The following STAMBPL1 variants were observed in gnomAD, a reference collection of about 807,000 sequenced individuals.
STAMBPL1 encodes STAM binding protein like 1, also known as AMSH-like protease.
Under a neutral mutation model 52.9 loss-of-function variants are expected in STAMBPL1, and 44 were observed. The ratio of observed to expected loss-of-function variants is 0.83; its 90% confidence interval spans 0.65 to 1.07. The LOEUF is 1.07. Ranked by LOEUF, STAMBPL1 falls within the 50% of genes least tolerant of loss-of-function variation. The pLI is 0.00. For missense variants in STAMBPL1, 511 were observed against 520.8 expected (o/e 0.98, Z 0.18); for synonymous variants, 164 against 177.3 (o/e 0.92, Z 0.60).
Position 88,889,853 on chromosome 10 carries a change from G to T in STAMBPL1, c.-54+9215G>T, listed in dbSNP as rs536249150. Among the ~76,000 whole-genome samples the T allele has an allele frequency of 3.9e-5, 6 of 152,280 alleles. No homozygotes were observed. In the South Asian group the frequency reaches 1.2e-3, roughly 32 times the overall value. On this transcript the variant is annotated intron_variant, in intron 1 of 10. Transcript: ENST00000371926. ...AGGATCCTTTCTGGGATCATACATTGAATTCATTTGTTATGCCTCCTTAGT... is the reference window on the plus strand; with the variant it reads ...AGGATCCTTTCTGGGATCATACATTTAATTCATTTGTTATGCCTCCTTAGT...
At chr10:88,883,828 T>C (rs1027348945) in intron 1 of STAMBPL1, among the ~76,000 whole-genome samples, 2 of 152,236 alleles carry the variant, frequency 1.3e-5, no homozygotes, top group Non-Finnish European at 2.9e-5. Context: ...TTTGCTGTAG[T>C]TAACCTTTCA....
intron 1 of STAMBPL1, among the ~76,000 whole-genome samples, chr10:88,897,722 A>G (rs974525325): frequency 6.6e-6 from 1 of 152,224 alleles, no homozygotes; most frequent in African/African-American, 2.4e-5. Flanking sequence ...AGTAAAGGAT[A>G]TTTAGCAAGC....
At chr10:88,902,094 T>C (rs990823582) in intron 2 of STAMBPL1, among the ~76,000 whole-genome samples, 1 of 152,198 alleles carries the variant, frequency 6.6e-6, no homozygotes, top group South Asian at 2.1e-4. Flanking sequence ...AGGCTCACCT[T>C]GTATGGCGTT....
chr10:88,918,308 C>CACACACAT (rs1554839216), intron 8 of STAMBPL1, among the ~76,000 whole-genome samples: 9,755 of 144,558 alleles, frequency 0.067, 372 homozygotes, highest in East Asian at 0.11. Flanking sequence ...CACACACATA[C>CACACACAT]ACACACACAC....
chr10:88,921,313 A>T lies in STAMBPL1; in HGVS notation c.1072A>T (p.Ser358Cys). ...THPTQTAFLS[S>C]VDLHTHCSYQ... The stretch of plus-strand genomic sequence containing the variant: ...TCCCACTCAAACTGCATTTTTATCC[A>T]GCGTTGATCTTCACACTCACTGTTC... The change falls in exon 9 of 11, where the codon AGC (serine) becomes TGC (cysteine). Residue 358 changes from serine (S) to cysteine (C), a missense_variant. By Grantham distance (112) the Ser-to-Cys change is moderately radical. This residue lies in a region of STAMBPL1 where 137 missense variants were observed against 139.9 expected (regional missense o/e 0.98). Transcript: ENST00000371926. 6.2e-7 allele frequency: 1 copy of T among 1,613,256 alleles called. No homozygotes were observed. Among genetic ancestry groups the T allele is most frequent in the Non-Finnish European group, 8.5e-7 (1 of 1,179,452 alleles).
At chr10:88,898,572 T>C (rs1166639267) in intron 1 of STAMBPL1, among the ~76,000 whole-genome samples, 1 of 152,258 alleles carries the variant, frequency 6.6e-6, no homozygotes, top group African/African-American at 2.4e-5. Flanking sequence ...TGAACTTCTT[T>C]CATCTTAGAT....
intron 1 of STAMBPL1, among the ~76,000 whole-genome samples, chr10:88,881,231 A>G (rs1397377945): frequency 2.6e-5 from 4 of 152,220 alleles, no homozygotes; most frequent in South Asian, 2.1e-4. Flanking sequence ...AAGAAATGGA[A>G]TGTCTCCAAA....
At chr10:88,893,445 G>A (rs992635835) in intron 1 of STAMBPL1, among the ~76,000 whole-genome samples, 1 of 152,102 alleles carries the variant, frequency 6.6e-6, no homozygotes, top group Non-Finnish European at 1.5e-5. Flanking sequence ...TTCTGCCGAT[G>A]AAAAAAGTGA....
chr10:88,912,257 T>C (rs1845244357), intron 5 of STAMBPL1: 1 of 152,252 alleles, frequency 6.6e-6, no homozygotes, highest in African/African-American at 2.4e-5. Context: ...TGCACCTGAA[T>C]GTGCCACTAT....
At chr10:88,904,832 C>G (rs1231662310) in intron 2 of STAMBPL1, among the ~76,000 whole-genome samples, 1 of 151,664 alleles carries the variant, frequency 6.6e-6, no homozygotes, top group African/African-American at 2.4e-5. Context: ...ATATGGAGGT[C>G]TGAGATTCTT....
At chr10:88,901,536 G>T (rs2133163936) in intron 1 of STAMBPL1, 120 bp from the exon 2 acceptor site, 3 of 542,244 alleles carry the variant, frequency 5.5e-6, no homozygotes, top group Non-Finnish European at 9.7e-6. Flanking sequence ...AAACACTCAG[G>T]TTATATAGGT....
intron 3 of STAMBPL1, among the ~76,000 whole-genome samples, chr10:88,906,118 A>T (rs1002089650): frequency 6.6e-6 from 1 of 152,000 alleles, no homozygotes. Context: ...GAAAGATCTG[A>T]TTCAGGTTCA....
chr10:88,898,958 T>A (rs17114016), intron 1 of STAMBPL1, among the ~76,000 whole-genome samples: 1 of 152,190 alleles, frequency 6.6e-6, no homozygotes, highest in Non-Finnish European at 1.5e-5. Flanking sequence ...CAGAAGTACA[T>A]GGCGGCTGCA....
intron 3 of STAMBPL1, among the ~76,000 whole-genome samples, chr10:88,907,870 ATGTG>A (rs1185853864): frequency 6.6e-6 from 1 of 152,218 alleles, no homozygotes; most frequent in Non-Finnish European, 1.5e-5. Flanking sequence ...TGATGAGTAT[ATGTG>A]TGTATGATTT....
chr10:88,910,872 T>C, intron 4 of STAMBPL1, 44 bp from the exon 5 acceptor site: 1 of 1,358,776 alleles, frequency 7.4e-7, no homozygotes, highest in Non-Finnish European at 1.0e-6. Flanking sequence ...TGAAAGAGTG[T>C]ATTGAAAATC....
rs1482428811 is a variant in STAMBPL1, at chr10:88,923,268, T to C, written c.*44T>C. 1.5e-5 allele frequency: 23 copies of C among 1,540,410 alleles called. No homozygotes were observed. The highest frequency in any genetic ancestry group is 1.9e-5 in the Non-Finnish European group (22 of 1,151,466). On this transcript the variant is annotated 3_prime_UTR_variant, in exon 11 of 11. Coordinates refer to ENST00000371926, the MANE Select transcript of STAMBPL1 (RefSeq NM_020799.4). The stretch of plus-strand genomic sequence containing the variant: ...ACCGTCAACATCAGACACCTACTCA[T>C]GGACATGTGGTTGCCGGATTTTCTT...
intron 8 of STAMBPL1, among the ~76,000 whole-genome samples, chr10:88,920,351 A>T (rs977293600): frequency 6.6e-6 from 1 of 152,200 alleles, no homozygotes; most frequent in Non-Finnish European, 1.5e-5. Flanking sequence ...TTTGATCTTC[A>T]TAACAATCCC....
intron 9 of STAMBPL1, among the ~76,000 whole-genome samples, chr10:88,921,883 C>T (rs1589382497): frequency 6.6e-6 from 1 of 152,250 alleles, no homozygotes; most frequent in Admixed American, 6.5e-5. Context: ...CTGATACCTG[C>T]CCATCGGGGA....
chr10:88,910,155 T>C (rs949640552), intron 4 of STAMBPL1, among the ~76,000 whole-genome samples: 3 of 152,154 alleles, frequency 2.0e-5, no homozygotes, highest in African/African-American at 7.2e-5. Flanking sequence ...AATAAATACA[T>C]AAATGAATGA....
Sources: allele counts gnomAD v4.1 joint callset (sites outside exome capture counted in the v4.1 genomes callset), GRCh38; gene constraint gnomAD v4.1.1; regional missense constraint gnomAD v4.1.1; transcripts MANE v1.5; gene names NCBI Gene and HGNC (gene_info 2026-07-23, HGNC 2026-07-21).